Variants in ACOXL observed in about 807,000 individuals in gnomAD.
ACOXL encodes the protein acyl-CoA oxidase like.
Under a neutral mutation model 71.9 loss-of-function variants are expected in ACOXL, and 70 were observed. The ratio of observed to expected loss-of-function variants is 0.97; its 90% CI spans 0.80 to 1.19. ACOXL has a LOEUF of 1.19. Ranked by LOEUF, ACOXL falls within the 50% of genes most tolerant of loss-of-function variation. The probability of loss-of-function intolerance (pLI) is 0.00; values close to 1 mark genes in which losing one functional copy is unlikely to be tolerated. For missense variants in ACOXL, 703 were observed against 736.3 expected (o/e 0.95, Z 0.52); for synonymous variants, 253 against 281.6 (o/e 0.90, Z 1.02).
chr2:110,782,868 A>C (rs1683511203), intron 2 of ACOXL, among the ~76,000 whole-genome samples: 1 of 152,168 alleles, frequency 6.6e-6, no homozygotes, highest in Non-Finnish European at 1.5e-5. Flanking sequence ...GTTTGTTGTG[A>C]TGATTCCAGA....
At chr2:111,038,219 C>A (rs2065615408) in intron 15 of ACOXL, among the ~76,000 whole-genome samples, 1 of 152,210 alleles carries the variant, frequency 6.6e-6, no homozygotes, top group Non-Finnish European at 1.5e-5. Context: ...AATGAGTTGT[C>A]TAAGGTCACA....
At chr2:110,805,466 C>A (rs1309722166) in intron 9 of ACOXL, 71 bp downstream of exon 9, 5 of 1,593,766 alleles carry the variant, frequency 3.1e-6, no homozygotes, top group South Asian at 1.1e-5. Context: ...AGTAACAATT[C>A]CAGGAGCTGA....
chr2:110,832,445 G>C (rs1219911047), intron 9 of ACOXL, among the ~76,000 whole-genome samples: 1 of 151,828 alleles, frequency 6.6e-6, no homozygotes, highest in South Asian at 2.1e-4. Flanking sequence ...GGCTGAGGCA[G>C]GAGAATGGCA....
At chr2:110,782,857 G>T (rs1291177594) in intron 2 of ACOXL, among the ~76,000 whole-genome samples, 1 of 152,160 alleles carries the variant, frequency 6.6e-6, no homozygotes, top group Non-Finnish European at 1.5e-5. Context: ...ATCAAGGAAG[G>T]GTTTGTTGTG....
chr2:111,109,491 T>G (rs972354497), intron 17 of ACOXL, among the ~76,000 whole-genome samples: 1 of 152,130 alleles, frequency 6.6e-6, no homozygotes, highest in Non-Finnish European at 1.5e-5. Flanking sequence ...ATGAATCTGT[T>G]TTCAAGATTA....
At chr2:110,770,816 T>C (rs1681816690) in intron 2 of ACOXL, among the ~76,000 whole-genome samples, 1 of 152,246 alleles carries the variant, frequency 6.6e-6, no homozygotes, top group African/African-American at 2.4e-5. Flanking sequence ...CAGCCCAACA[T>C]GTCTGTGGCT....
chr2:110,860,229 G>A (rs1693777268), intron 10 of ACOXL, among the ~76,000 whole-genome samples: 1 of 152,110 alleles, frequency 6.6e-6, no homozygotes, highest in South Asian at 2.1e-4. Flanking sequence ...TCCTGCCTCA[G>A]CCTCCCAAGT....
chr2:110,818,473 G>A (rs1299751000), intron 9 of ACOXL, among the ~76,000 whole-genome samples: 1 of 140,196 alleles, frequency 7.1e-6, no homozygotes, highest in Non-Finnish European at 1.5e-5. Context: ...ATATGTATAT[G>A]TGTATGTGTG....
intron 13 of ACOXL, among the ~76,000 whole-genome samples, chr2:110,993,847 A>G (rs543108749): frequency 2.1e-4 from 32 of 152,248 alleles, no homozygotes; most frequent in African/African-American, 5.3e-4. Context: ...CTACCTCACT[A>G]TGGTTTCCGT....
chr2:110,764,529 T>C (rs773728744), intron 1 of ACOXL, among the ~76,000 whole-genome samples: 7 of 152,144 alleles, frequency 4.6e-5, no homozygotes, highest in Non-Finnish European at 7.4e-5. Flanking sequence ...CACAGATGAT[T>C]TTTAGGGCAG....
At chr2:111,114,186 G>A (rs1010731849) in intron 17 of ACOXL, 2 of 152,704 alleles carry the variant, frequency 1.3e-5, no homozygotes, top group Non-Finnish European at 2.9e-5. Flanking sequence ...ACAGGACTAG[G>A]ATGTCCAAGA....
chr2:111,055,121 C>A (rs2066470272), intron 16 of ACOXL, among the ~76,000 whole-genome samples: 1 of 152,140 alleles, frequency 6.6e-6, no homozygotes, highest in African/African-American at 2.4e-5. Context: ...AGTAATTGAG[C>A]CATTCAGTAT....
intron 10 of ACOXL, among the ~76,000 whole-genome samples, chr2:110,906,502 C>T (rs549361996): frequency 2.2e-5 from 3 of 135,444 alleles, no homozygotes; most frequent in Non-Finnish European, 3.1e-5. Context: ...TGCGCCATTG[C>T]ACTCCAGCCT....
intron 14 of ACOXL, among the ~76,000 whole-genome samples, chr2:111,012,190 G>C (rs1269754435): frequency 6.6e-6 from 1 of 152,210 alleles, no homozygotes; most frequent in African/African-American, 2.4e-5. Flanking sequence ...TGGGAACACT[G>C]TGTTAAACTG....
At chr2:110,822,995 G>C (rs1162559077) in intron 9 of ACOXL, among the ~76,000 whole-genome samples, 1 of 152,102 alleles carries the variant, frequency 6.6e-6, no homozygotes, top group Non-Finnish European at 1.5e-5. Context: ...GCTCACACCT[G>C]TACACCCAGC....
rs368704266 is a variant in ACOXL at position 111,108,874 on chromosome 2, G to A, written c.1543-8742G>A. 1.2e-4 allele frequency among the ~76,000 whole-genome samples: 18 copies of A among 152,294 alleles called. No homozygotes were observed. The South Asian group carries it at 1.9e-3, about 16-fold the overall frequency. The stretch of plus-strand genomic sequence containing the variant: ...CTCAGTTTGCCTGCTCCAGAGCTTC[G>A]TAGGAATGGAAGCAGATAGATGTAG... On this transcript the variant is annotated intron_variant, in intron 17 of 17. Coordinates refer to ENST00000439055, the MANE Select transcript of ACOXL (RefSeq NM_001142807.4).
At chr2:111,087,743 A>T (rs913324009) in intron 16 of ACOXL, among the ~76,000 whole-genome samples, 5 of 152,234 alleles carry the variant, frequency 3.3e-5, no homozygotes, top group Non-Finnish European at 7.3e-5. Context: ...ACTGGCAAAG[A>T]TTTCATGACA....
chr2:110,976,583 G>A (rs1046860821), intron 12 of ACOXL, among the ~76,000 whole-genome samples: 7 of 152,186 alleles, frequency 4.6e-5, no homozygotes, highest in African/African-American at 1.7e-4. Flanking sequence ...TTCAAGAAAT[G>A]AAGAATTTAA....
chr2:110,989,403 C>T (rs989969754), intron 13 of ACOXL, among the ~76,000 whole-genome samples: 5 of 152,126 alleles, frequency 3.3e-5, no homozygotes, highest in African/African-American at 4.8e-5. Flanking sequence ...TAAAATATTA[C>T]TATAGTATTA....
Sources: allele counts gnomAD v4.1 joint callset (sites outside exome capture counted in the v4.1 genomes callset), GRCh38; gene constraint gnomAD v4.1.1; transcripts MANE v1.5; gene names NCBI Gene and HGNC (gene_info 2026-07-23, HGNC 2026-07-21).